PCDHGA3: variants seen among roughly 807,000 people sequenced by gnomAD.
PCDHGA3 encodes the protein protocadherin gamma-A3.
A neutral mutation model predicts 58.5 loss-of-function variants in PCDHGA3; 40 were observed. The ratio of observed to expected loss-of-function variants is 0.68; its 90% CI spans 0.53 to 0.89. PCDHGA3 has a LOEUF of 0.89. PCDHGA3 is among the 40% of genes least tolerant of loss of function. The pLI, the probability that PCDHGA3 is intolerant of heterozygous loss-of-function variation, is 0.00. For missense variants in PCDHGA3, 1,223 were observed against 1,195.9 expected (o/e 1.02, Z -0.33); for synonymous variants, 530 against 525.7 (o/e 1.01, Z -0.11).
intron 1 of PCDHGA3, chr5:141,423,749 TTGGGGGGGGGG>T: frequency 3.7e-6 from 1 of 272,202 alleles, no homozygotes; most frequent in Non-Finnish European, 4.7e-6. Context: ...TGAAAACTGT[TTGGGGGGGGGG>T]TGGGGCGGCA....
intron 1 of PCDHGA3, among the ~76,000 whole-genome samples, chr5:141,455,172 G>GT (rs1344126228): frequency 3.3e-5 from 5 of 150,340 alleles, no homozygotes; most frequent in South Asian, 4.2e-4. Context: ...TTTTTTTTTA[G>GT]TTTTTTTATT....
chr5:141,389,156 T>TC, intron 1 of PCDHGA3: 1 of 1,613,950 alleles, frequency 6.2e-7, no homozygotes, highest in Non-Finnish European at 8.5e-7. Context: ...CGGCAACAGA[T>TC]CGGGGCAAGC....
intron 1 of PCDHGA3, chr5:141,370,437 C>T: frequency 1.2e-6 from 2 of 1,603,790 alleles, no homozygotes; most frequent in Non-Finnish European, 1.7e-6. Flanking sequence ...AGGGCAGAGG[C>T]GAATGCTATT....
chr5:141,344,615 G>T lies in PCDHGA3; in HGVS notation c.582G>T (p.Leu194=). 1.2e-6 allele frequency: 2 copies of T among 1,613,970 alleles called. No individual in the cohort carries two copies. The highest frequency in any genetic ancestry group is 1.7e-6 in the Non-Finnish European group (2 of 1,179,882). ...CTGAGGGGGCCAAGTATCCAGAGCT[G>T]GTGCTGGAGCGGGCCCTGGACCGTG... ...SVSEGAKYPE[L]VLERALDREK... is the part of the protein sequence containing the mutation. The change falls in exon 1 of 4, where the codon CTG becomes CTT. Residue 194 remains leucine (L), a synonymous_variant. Transcript: ENST00000253812.
Position 141,485,844 on chromosome 5 carries a change from G to T in PCDHGA3, c.2425-8963G>T. On this transcript the variant is annotated intron_variant, in intron 1 of 3. Transcript: ENST00000253812. This position sits in a 1 kb window ranked among gnomAD's most constrained non-coding sequence, Gnocchi z 5.7. ...GATGGAGGGAACCCGCCGAGATCTG[G>T]CACCGCAGAGCTCCGGGTATCCGTG... The T allele has an allele frequency of 1.9e-6, 3 of 1,613,890 alleles. 1 individual carries two copies. The South Asian group carries it at 3.3e-5, about 18-fold the overall frequency.
intron 2 of PCDHGA3, among the ~76,000 whole-genome samples, chr5:141,496,103 C>T (rs779317844): frequency 2.0e-5 from 3 of 152,218 alleles, no homozygotes; most frequent in South Asian, 2.1e-4. Flanking sequence ...ACCAACACCC[C>T]GCTCTCTTCC....
intron 1 of PCDHGA3, chr5:141,357,435 G>C (rs769082126): frequency 5.0e-6 from 8 of 1,614,086 alleles, no homozygotes; most frequent in East Asian, 4.5e-5. Context: ...GCGTGGACGG[G>C]GTTCGGGCTT....
intron 1 of PCDHGA3, chr5:141,415,721 G>A (rs1201366552): frequency 3.0e-6 from 2 of 675,878 alleles, no homozygotes; most frequent in Admixed American, 7.4e-5. Context: ...CTGATGAGTA[G>A]AATTTGATGT....
Position 141,490,389 on chromosome 5 carries a change from T to C in PCDHGA3, c.2425-4418T>C, listed in dbSNP as rs1221410350. The C allele has an allele frequency of 6.2e-7, 1 of 1,614,174 alleles. No homozygotes were observed. Among genetic ancestry groups the C allele is most frequent in the African/African-American group, 1.3e-5 (1 of 75,040 alleles). On this transcript the variant is annotated intron_variant, in intron 1 of 3. Transcript: ENST00000253812. The surrounding 1 kb of genome is among the most constrained non-coding windows in gnomAD (Gnocchi z 5.4). The stretch of plus-strand genomic sequence containing the variant: ...GAGACCGGGACTCAGGTAGAAATGG[T>C]GAAGTGAGCCTTGATATCTCTCCGG...
At chr5:141,403,350 TC>T in intron 1 of PCDHGA3, 2 of 1,613,994 alleles carry the variant, frequency 1.2e-6, no homozygotes, top group Non-Finnish European at 1.7e-6. Flanking sequence ...GCCCCAAAGT[TC>T]CAGGCCGAAA....
chr5:141,400,678 TTG>T, intron 1 of PCDHGA3: 1 of 882,002 alleles, frequency 1.1e-6, no homozygotes, highest in Non-Finnish European at 1.7e-6. Flanking sequence ...GAGCAGTAAA[TTG>T]TGAGTTTTTA....
Position 141,490,672 on chromosome 5 carries a change from G to T in PCDHGA3, c.2425-4135G>T. The T allele has an allele frequency of 6.2e-7, 1 of 1,614,114 alleles. No homozygotes were observed. Among genetic ancestry groups the T allele is most frequent in the Non-Finnish European group, 8.5e-7 (1 of 1,179,996 alleles). ...GGGCTCCCTTCTTTGCACTGTGGCT[G>T]CCTCAGATCCAGACACTGGGGATAA... On this transcript the variant is annotated intron_variant, in intron 1 of 3. Coordinates refer to ENST00000253812, the MANE Select transcript of PCDHGA3 (RefSeq NM_018916.4). The surrounding 1 kb of genome is among the most constrained non-coding windows in gnomAD (Gnocchi z 5.4).
chr5:141,426,802 C>G (rs2096961440), intron 1 of PCDHGA3: 1 of 456,696 alleles, frequency 2.2e-6, no homozygotes, highest in South Asian at 1.5e-5. Flanking sequence ...CAGCTCAGTT[C>G]TAATGAACAT....
intron 3 of PCDHGA3, among the ~76,000 whole-genome samples, chr5:141,506,861 G>A (rs2099856791): frequency 6.6e-6 from 1 of 152,178 alleles, no homozygotes; most frequent in African/African-American, 2.4e-5. Context: ...TGGAGGACTG[G>A]TGGGTAGAGA....
intron 1 of PCDHGA3, chr5:141,365,043 A>AT (rs1763697788): frequency 1.2e-6 from 2 of 1,613,696 alleles, no homozygotes; most frequent in African/African-American, 2.7e-5. Context: ...GCAAACGACA[A>AT]TGCGCCCCTG....
At chr5:141,350,496 G>C in intron 1 of PCDHGA3, 1 of 1,614,034 alleles carries the variant, frequency 6.2e-7, no homozygotes, top group African/African-American at 1.3e-5. Context: ...TTGGAGAGCG[G>C]GGATTTGTTA....
intron 1 of PCDHGA3, chr5:141,398,485 A>G: frequency 6.2e-7 from 1 of 1,608,602 alleles, no homozygotes; most frequent in Non-Finnish European, 8.5e-7. Context: ...TTATCACGTG[A>G]ATGTGGAGAT....
At chr5:141,470,589 G>A (rs1593264687) in intron 1 of PCDHGA3, among the ~76,000 whole-genome samples, 1 of 152,300 alleles carries the variant, frequency 6.6e-6, no homozygotes, top group East Asian at 1.9e-4. Flanking sequence ...TCATAGGCAG[G>A]CGACCTGTGC....
chr5:141,424,246 A>G (rs971050268), intron 1 of PCDHGA3: 2 of 154,772 alleles, frequency 1.3e-5, no homozygotes, highest in African/African-American at 4.8e-5. Context: ...GTGGCTGGTA[A>G]TATGCTTAGA....
Sources: gnomAD v4.1 joint callset for allele counts (sites outside exome capture counted in the v4.1 genomes callset) on GRCh38, gnomAD v4.1.1 for gene constraint, Gnocchi (gnomAD v3.1) non-coding constraint, MANE v1.5 for transcripts, NCBI Gene and HGNC (gene_info 2026-07-23, HGNC 2026-07-21) for gene names.